Variants in MMS19 observed in about 807,000 individuals in gnomAD.
MMS19 encodes the protein MMS19 nucleotide excision repair protein homolog.
In MMS19, 77 loss-of-function variants were observed where a neutral mutation model predicts 129.8. That is an observed-to-expected ratio of 0.59 (90% CI 0.49 to 0.72). MMS19 has a LOEUF of 0.72. MMS19 is among the 30% of genes least tolerant of loss of function. The probability of loss-of-function intolerance (pLI) is 0.00; values close to 1 mark genes in which losing one functional copy is unlikely to be tolerated. For synonymous variants in MMS19, 491 were observed against 502.8 expected (o/e 0.98, Z 0.31); for missense variants, 1,168 against 1,266.3 (o/e 0.92, Z 1.18).
At chr10:97,493,939 T>C (rs1564713905) in intron 1 of MMS19, among the ~76,000 whole-genome samples, 1 of 152,004 alleles carries the variant, frequency 6.6e-6, no homozygotes, top group African/African-American at 2.4e-5. Context: ...CACTTGAACC[T>C]GGGGGGCAGA....
At chr10:97,466,228 T>C (rs1475819872) in intron 16 of MMS19, 69 bp from the exon 17 acceptor site, 1 of 1,316,204 alleles carries the variant, frequency 7.6e-7, no homozygotes, top group East Asian at 2.5e-5. Context: ...CGTCTGATAT[T>C]AGGCAGATTC....
intron 12 of MMS19, 64 bp downstream of exon 12, chr10:97,468,899 GCAC>G: frequency 6.6e-7 from 1 of 1,511,778 alleles, no homozygotes; most frequent in Non-Finnish European, 8.9e-7. Flanking sequence ...GTGAGCCACC[GCAC>G]CCAGGCAAGG....
At chr10:97,480,585 G>A (rs2036606116) in intron 3 of MMS19, among the ~76,000 whole-genome samples, 1 of 152,118 alleles carries the variant, frequency 6.6e-6, no homozygotes, top group South Asian at 2.1e-4. Context: ...TGAAATCCAT[G>A]TGTCTTTCTT....
chr10:97,476,491 C>T (rs999088697), intron 8 of MMS19, among the ~76,000 whole-genome samples, 192 bp downstream of exon 8: 7 of 152,176 alleles, frequency 4.6e-5, no homozygotes, highest in African/African-American at 1.7e-4. Context: ...TTAAGAATTC[C>T]CCCCAATACA....
intron 3 of MMS19, among the ~76,000 whole-genome samples, chr10:97,480,650 C>T (rs897018215): frequency 9.9e-5 from 15 of 152,112 alleles, no homozygotes; most frequent in African/African-American, 2.4e-4. Context: ...GGCGTGATCT[C>T]GGCTCACTGC....
chr10:97,471,716 G>C (rs1467687973), intron 8 of MMS19, among the ~76,000 whole-genome samples: 1 of 152,006 alleles, frequency 6.6e-6, no homozygotes, highest in African/African-American at 2.4e-5. Flanking sequence ...TCATCATGTT[G>C]GCCAGGCTGG....
At chr10:97,477,101 T>A in intron 6 of MMS19, 138 bp from the exon 7 acceptor site, 1 of 1,519,096 alleles carries the variant, frequency 6.6e-7, no homozygotes, top group Non-Finnish European at 8.8e-7. Context: ...TCCAAGAAAG[T>A]ACTCAGTGAA....
chr10:97,493,488 T>C (rs1439927536), intron 1 of MMS19, among the ~76,000 whole-genome samples: 1 of 152,174 alleles, frequency 6.6e-6, no homozygotes, highest in Non-Finnish European at 1.5e-5. Context: ...AGAGGATCAC[T>C]TGAGCCCAGA....
chr10:97,477,288 T>C (rs1015968242), intron 6 of MMS19, 59 bp downstream of exon 6: 9 of 1,613,542 alleles, frequency 5.6e-6, no homozygotes, highest in Middle Eastern at 1.7e-4. Flanking sequence ...GTCCTACTAA[T>C]AGGGGAAAAA....
chr10:97,463,863 A>G lies in MMS19; in HGVS notation c.1907T>C (p.Met636Thr), dbSNP rs1372147298. 6.2e-7 allele frequency: 1 copy of G among 1,610,440 alleles called. No individual in the cohort carries two copies. The highest frequency in any genetic ancestry group is 8.5e-7 in the Non-Finnish European group (1 of 1,178,464). Reference protein sequence around the residue: ...CLLALAVQASMPEKEPSVLRK... With the variant: ...CLLALAVQASTPEKEPSVLRK... ...AAGGAGAGGTGGAAAGTTACCTGGC[A>G]TAGAGGCCTGCACAGCCAAGGCAAG... Residue 636 changes from methionine (M) to threonine (T), a missense_variant, in exon 19 of 31, where the codon ATG becomes ACG. By Grantham distance (81) the Met-to-Thr change is moderately conservative. Around this residue, in one of 3 missense-constraint regions of MMS19, gnomAD observed 831 missense variants for 910.8 expected, o/e 0.91. Coordinates refer to ENST00000438925, the MANE Select transcript of MMS19 (RefSeq NM_022362.5).
At chr10:97,489,231 A>G (rs1282567608) in intron 1 of MMS19, among the ~76,000 whole-genome samples, 1 of 152,238 alleles carries the variant, frequency 6.6e-6, no homozygotes, top group African/African-American at 2.4e-5. Flanking sequence ...GTGTGTATAA[A>G]CAGTGTATAT....
intron 8 of MMS19, among the ~76,000 whole-genome samples, chr10:97,473,572 G>A (rs1412374394): frequency 6.6e-6 from 1 of 151,300 alleles, no homozygotes; most frequent in Non-Finnish European, 1.5e-5. Context: ...GGATGACGGT[G>A]AAGGAAGAAC....
chr10:97,470,260 A>C, intron 9 of MMS19, 57 bp from the exon 10 acceptor site: 1 of 1,226,948 alleles, frequency 8.2e-7, no homozygotes, highest in South Asian at 1.3e-5. Context: ...AGTCACATCA[A>C]GGTCAACCCT....
At chr10:97,470,903 G>T in intron 8 of MMS19, 42 bp from the exon 9 acceptor site, 2 of 1,565,444 alleles carry the variant, frequency 1.3e-6, no homozygotes, top group South Asian at 1.1e-5. Flanking sequence ...TAACATTTCA[G>T]ACCACCTTGA....
chr10:97,474,662 T>G (rs1304641877), intron 8 of MMS19, among the ~76,000 whole-genome samples: 1 of 152,248 alleles, frequency 6.6e-6, no homozygotes, highest in African/African-American at 2.4e-5. Context: ...TCTGTTTTAA[T>G]TAATATCTTG....
chr10:97,478,462 G>A (rs1038823738), intron 3 of MMS19, 73 bp from the exon 4 acceptor site: 2 of 1,064,544 alleles, frequency 1.9e-6, no homozygotes, highest in Non-Finnish European at 2.8e-6. Context: ...CCTTCCCTAA[G>A]TCTATAACAG....
At chr10:97,489,144 A>G (rs748915533) in intron 1 of MMS19, among the ~76,000 whole-genome samples, 1 of 152,144 alleles carries the variant, frequency 6.6e-6, no homozygotes. Flanking sequence ...CCGGGCCTGT[A>G]GCTACTTTTA....
At chr10:97,485,815 CAA>C (rs1273640544) in intron 1 of MMS19, among the ~76,000 whole-genome samples, 2 of 152,170 alleles carry the variant, frequency 1.3e-5, no homozygotes, top group South Asian at 2.1e-4. Context: ...ATCAAAAAGA[CAA>C]GAGATAACAA....
chr10:97,462,524 T>G, intron 20 of MMS19, 59 bp downstream of exon 20: 1 of 1,281,192 alleles, frequency 7.8e-7, no homozygotes, highest in South Asian at 1.2e-5. Flanking sequence ...ACCTGTTGCT[T>G]CTTCCTAAGA....
Sources: gnomAD v4.1 joint callset for allele counts (sites outside exome capture counted in the v4.1 genomes callset) on GRCh38, gnomAD v4.1.1 for gene constraint, gnomAD v4.1.1 regional missense constraint, MANE v1.5 for transcripts, NCBI Gene and HGNC (gene_info 2026-07-23, HGNC 2026-07-21) for gene names.